The following NCKAP1L variants were observed in gnomAD, a reference collection of about 807,000 sequenced individuals.
NCKAP1L encodes nck-associated protein 1-like.
Under a neutral mutation model 139.2 loss-of-function variants are expected in NCKAP1L, and 53 were observed. The observed-to-expected ratio is 0.38, with a 90% CI of 0.31 to 0.48. The LOEUF (loss-of-function observed/expected upper bound fraction) is 0.48, where lower values mean the gene tolerates loss of function less well. NCKAP1L is among the 20% of genes least tolerant of loss of function. The probability of loss-of-function intolerance (pLI) is 0.98; values close to 1 mark genes in which losing one functional copy is unlikely to be tolerated. For missense variants in NCKAP1L, 1,151 were observed against 1,381.9 expected (o/e 0.83, Z 2.65); for synonymous variants, 468 against 499.7 (o/e 0.94, Z 0.85).
Position 54,531,786 on chromosome 12 carries a change from C to T in NCKAP1L, c.2742C>T (p.Ile914=). 8.7e-6 allele frequency: 14 copies of T among 1,612,964 alleles called. No individual in the cohort carries two copies. Among genetic ancestry groups the T allele is most frequent in the Non-Finnish European group, 1.2e-5 (14 of 1,179,020 alleles). The change falls in exon 25 of 31, where the codon ATC becomes ATT. Residue 914 remains isoleucine (I), a synonymous_variant. Transcript: ENST00000293373. ...AGCGCATGACCATCATTGGGGTTAT[C>T]CTCAGTTTCAGGGCCATGGCCCAAG... The part of the protein sequence containing the change: ...VLKRMTIIGV[I]LSFRAMAQEG...
At chr12:54,515,387 A>G (rs1956921633) in intron 9 of NCKAP1L, among the ~76,000 whole-genome samples, 1 of 152,232 alleles carries the variant, frequency 6.6e-6, no homozygotes, top group African/African-American at 2.4e-5. Flanking sequence ...CAAAGAGTCT[A>G]AGATAATGCT....
At chr12:54,515,399 G>A (rs1956921832) in intron 9 of NCKAP1L, among the ~76,000 whole-genome samples, 1 of 152,122 alleles carries the variant, frequency 6.6e-6, no homozygotes. Context: ...GATAATGCTG[G>A]GATTCTGAGC....
intron 26 of NCKAP1L, among the ~76,000 whole-genome samples, chr12:54,533,577 C>CT (rs531666612): frequency 2.2e-4 from 32 of 147,928 alleles, no homozygotes; most frequent in South Asian, 4.3e-4. Flanking sequence ...CTGTGGGATT[C>CT]TTTTTTTTTT....
At chr12:54,500,121 CTTTTCTTTTT>C (rs1956785291) in intron 2 of NCKAP1L, among the ~76,000 whole-genome samples, 2 of 64,636 alleles carry the variant, frequency 3.1e-5, no homozygotes, top group African/African-American at 1.4e-4. Context: ...TTTTTCTTTT[CTTTTCTTTTT>C]TTTTTTTTTT....
intron 1 of NCKAP1L, 144 bp from the exon 2 acceptor site, chr12:54,499,211 G>A (rs1956776409): frequency 2.0e-5 from 11 of 560,446 alleles, no homozygotes; most frequent in Non-Finnish European, 2.9e-5. Context: ...GGTGTGAGCC[G>A]CTGCGCCCAG....
chr12:54,524,783 C>T (rs1957014254), intron 20 of NCKAP1L, among the ~76,000 whole-genome samples: 1 of 151,874 alleles, frequency 6.6e-6, no homozygotes, highest in Non-Finnish European at 1.5e-5. Context: ...GTGATAAGGA[C>T]CAAGCAGAAA....
intron 3 of NCKAP1L, among the ~76,000 whole-genome samples, chr12:54,503,416 C>T (rs1168824689): frequency 2.0e-5 from 3 of 151,542 alleles, no homozygotes; most frequent in African/African-American, 7.3e-5. Flanking sequence ...CATAAGGAAA[C>T]AGAATTGTTT....
chr12:54,504,480 A>T (rs978682216), intron 3 of NCKAP1L, among the ~76,000 whole-genome samples: 1 of 152,246 alleles, frequency 6.6e-6, no homozygotes, highest in East Asian at 1.9e-4. Flanking sequence ...CTGGAAGCAC[A>T]TAAAAAAAGT....
intron 1 of NCKAP1L, among the ~76,000 whole-genome samples, chr12:54,498,113 C>T (rs1178411634): frequency 6.6e-6 from 1 of 152,048 alleles, no homozygotes; most frequent in African/African-American, 2.4e-5. Context: ...GATTCTTGCC[C>T]CAACGATGGC....
Position 54,523,458 on chromosome 12 carries a change from G to A in NCKAP1L, c.1943G>A (p.Arg648Lys). ...KAKNKKTRKQRQTPRKGEPER... is the reference protein window; with the variant it reads ...KAKNKKTRKQKQTPRKGEPER... ...AAGAACAAGAAAACCAGGAAGCAGA[G>A]GCAGACTCCCAGAAAAGGAGAGCCC... Residue 648 changes from arginine to lysine, a missense_variant, in exon 19 of 31, where the codon AGG becomes AAG. Physicochemically the swap from Arg to Lys is conservative, Grantham distance 26 (BLOSUM62 2). Transcript: ENST00000293373. 6.2e-7 allele frequency: 1 copy of A among 1,614,154 alleles called. No individual in the cohort carries two copies. The highest frequency in any genetic ancestry group is 1.1e-5 in the South Asian group (1 of 91,076).
intron 5 of NCKAP1L, among the ~76,000 whole-genome samples, 172 bp downstream of exon 5, chr12:54,508,703 A>G (rs1389982746): frequency 1.3e-5 from 2 of 152,236 alleles, no homozygotes; most frequent in Admixed American, 1.3e-4. Flanking sequence ...CTCTGAAACA[A>G]CACGGGTTTG....
Position 54,547,586 on chromosome 12 carries a change from G to A in NCKAP1L, c.*4901G>A, listed in dbSNP as rs186439627. The A allele has an allele frequency of 1.3e-5, 2 of 152,010 alleles. No individual in the cohort carries two copies. Among genetic ancestry groups the A allele is most frequent in the African/African-American group, 4.8e-5 (2 of 41,442 alleles). The allele number at this position is 152,010 out of a possible 1,614,324, so 9.4% of individuals were successfully genotyped here. A position where few individuals can be genotyped will look rare whatever the true frequency, so the allele number is the denominator to read the frequency against. On this transcript the variant is annotated 3_prime_UTR_variant, in exon 31 of 31. Coordinates refer to ENST00000293373, the MANE Select transcript of NCKAP1L (RefSeq NM_005337.5). ...AGGGGGTCTTGGGAGAGCAGGATGT[G>A]ACACTGTGTTAACAAGAAATGTTGA...
intron 29 of NCKAP1L, among the ~76,000 whole-genome samples, chr12:54,537,855 T>G (rs1957124694): frequency 6.6e-6 from 1 of 152,134 alleles, no homozygotes; most frequent in Non-Finnish European, 1.5e-5. Context: ...CATATCCAAT[T>G]TCTTAAAAAA....
chr12:54,506,794 AAAATATATATATATATAT>A (rs1956842984), intron 3 of NCKAP1L, among the ~76,000 whole-genome samples: 1 of 23,748 alleles, frequency 4.2e-5, no homozygotes, highest in East Asian at 3.6e-3. Flanking sequence ...TTAAAAAAAA[AAAATATATATATATATAT>A]ATATATATAT....
intron 26 of NCKAP1L, 71 bp from the exon 27 acceptor site, chr12:54,535,033 G>C: frequency 8.3e-7 from 1 of 1,210,452 alleles, no homozygotes; most frequent in Non-Finnish European, 1.2e-6. Context: ...AAAAGTCCTG[G>C]CTATGCATTC....
At chr12:54,533,460 A>T (rs76664911) in intron 26 of NCKAP1L, among the ~76,000 whole-genome samples, 12,499 of 152,298 alleles carry the variant, frequency 0.082, 663 homozygotes, top group Middle Eastern at 0.14. Flanking sequence ...GTGGTTCCAC[A>T]AACGGTCATT....
chr12:54,508,867 C>T lies in NCKAP1L; in HGVS notation c.506+336C>T, dbSNP rs143664772. 2.5e-3 allele frequency among the ~76,000 whole-genome samples: 381 copies of T among 152,164 alleles called. 3 individuals carry two copies. Among genetic ancestry groups the T allele is most frequent in the Non-Finnish European group, 4.5e-3 (304 of 68,000 alleles). ...ACTGACTGTGGGACTTCAGTATGCA[C>T]GGGATATTGGCATACGTGGGAGTCT... On this transcript the variant is annotated intron_variant, in intron 5 of 30. Coordinates refer to ENST00000293373, the MANE Select transcript of NCKAP1L (RefSeq NM_005337.5).
intron 30 of NCKAP1L, among the ~76,000 whole-genome samples, chr12:54,541,140 A>C (rs1020332235): frequency 1.3e-5 from 2 of 152,228 alleles, no homozygotes; most frequent in Non-Finnish European, 2.9e-5. Flanking sequence ...CTCTTATAGA[A>C]TCATGGAATC....
rs1337977975 is a variant in NCKAP1L at position 54,516,236 on chromosome 12, C to T, written c.942-3C>T. 2 of 1,613,786 alleles carry T rather than the reference C, an allele frequency of 1.2e-6. No individual in the cohort carries two copies. The highest frequency in any genetic ancestry group is 1.3e-5 in the African/African-American group (1 of 74,860). On this transcript the variant is annotated splice_region_variant and splice_polypyrimidine_tract_variant and intron_variant, in intron 9 of 30. Coordinates refer to ENST00000293373, the MANE Select transcript of NCKAP1L (RefSeq NM_005337.5). ...ACCCCATTGTGCTTGTGTCAATCCT[C>T]AGGTATGGCAAGAGAGTGGCAGACA...
Sources: allele counts gnomAD v4.1 joint callset (sites outside exome capture counted in the v4.1 genomes callset), GRCh38; gene constraint gnomAD v4.1.1; transcripts MANE v1.5; gene names NCBI Gene and HGNC (gene_info 2026-07-23, HGNC 2026-07-21).